The following HMGA2 variants were observed in gnomAD, a reference collection of about 807,000 sequenced individuals.
HMGA2 encodes high mobility group protein HMGI-C.
A neutral mutation model predicts 19.1 loss-of-function variants in HMGA2; 8 were observed. The ratio of observed to expected loss-of-function variants is 0.42; its 90% confidence interval spans 0.25 to 0.76. The LOEUF (loss-of-function observed/expected upper bound fraction) is 0.76, where lower values mean the gene tolerates loss of function less well. HMGA2 is among the 30% of genes least tolerant of loss of function. The pLI is 0.28. For missense variants in HMGA2, 109 were observed against 136.3 expected (o/e 0.80, Z 1.00); for synonymous variants, 60 against 48.8 (o/e 1.23, Z -0.96).
chr12:65,831,262 T>C (rs1391545075), intron 2 of HMGA2, among the ~76,000 whole-genome samples: 1 of 151,832 alleles, frequency 6.6e-6, no homozygotes, highest in Admixed American at 6.6e-5. Context: ...AAAGAAGTTA[T>C]AATCTCCTTT....
chr12:65,828,531 T>A, intron 2 of HMGA2: 1 of 182,538 alleles, frequency 5.5e-6, no homozygotes, highest in Non-Finnish European at 1.2e-5. Context: ...ACATGGCTAC[T>A]GCAAACCAAA....
intron 3 of HMGA2, chr12:65,842,588 A>G (rs1871047497): frequency 6.5e-7 from 1 of 1,530,660 alleles, no homozygotes. Flanking sequence ...CTTTGCTATT[A>G]AGGAGGAGTT....
chr12:65,901,672 A>G (rs1874378395), intron 3 of HMGA2, among the ~76,000 whole-genome samples: 1 of 152,170 alleles, frequency 6.6e-6, no homozygotes, highest in South Asian at 2.1e-4. Context: ...TTAAATCACT[A>G]ATTTTATAAT....
chr12:65,964,306 G>T lies in HMGA2; in HGVS notation c.*1014G>T. On this transcript the variant is annotated 3_prime_UTR_variant, in exon 5 of 5. Transcript: ENST00000403681. The stretch of plus-strand genomic sequence containing the variant: ...TAAAAAGCAAAAAAAAAAAAGGGGG[G>T]GGCAATCTCTCTCTGTGTCTTTCTC... The T allele has an allele frequency of 4.7e-6, 1 of 213,964 alleles. No homozygotes were observed. 13.3% of individuals were successfully genotyped at this position (213,964 alleles called of 1,614,324 possible).
intron 3 of HMGA2, among the ~76,000 whole-genome samples, chr12:65,862,273 C>CCA (rs1451926486): frequency 2.6e-5 from 2 of 75,770 alleles, no homozygotes. Flanking sequence ...CCAAAATGCA[C>CCA]CATACACACA....
At chr12:65,940,425 T>C (rs1204605904) in intron 3 of HMGA2, among the ~76,000 whole-genome samples, 1 of 152,214 alleles carries the variant, frequency 6.6e-6, no homozygotes, top group South Asian at 2.1e-4. Flanking sequence ...CCTTTAAATA[T>C]ATTAGAAACA....
intron 3 of HMGA2, among the ~76,000 whole-genome samples, chr12:65,943,016 A>G (rs1190224083): frequency 6.6e-6 from 1 of 152,048 alleles, no homozygotes; most frequent in Non-Finnish European, 1.5e-5. Flanking sequence ...TCATACATTT[A>G]TCTTTTCCAT....
chr12:65,872,201 T>C (rs930039248), intron 3 of HMGA2, among the ~76,000 whole-genome samples: 2 of 152,172 alleles, frequency 1.3e-5, no homozygotes, highest in African/African-American at 2.4e-5. Flanking sequence ...AACTGCCAAA[T>C]CCAGGGGACA....
chr12:65,946,828 T>G (rs894598249), intron 3 of HMGA2, among the ~76,000 whole-genome samples: 1 of 152,238 alleles, frequency 6.6e-6, no homozygotes, highest in Non-Finnish European at 1.5e-5. Flanking sequence ...CAGTAACTTT[T>G]TTTCTTCCAT....
intron 3 of HMGA2, among the ~76,000 whole-genome samples, chr12:65,927,899 ATATG>A (rs551339124): frequency 3.6e-4 from 53 of 148,470 alleles, no homozygotes; most frequent in Non-Finnish European, 5.2e-4. Context: ...ATGTATGTAT[ATATG>A]TATGTATATA....
intron 3 of HMGA2, among the ~76,000 whole-genome samples, chr12:65,889,911 AC>A (rs138128189): frequency 3.5e-4 from 54 of 152,272 alleles, no homozygotes; most frequent in Admixed American, 6.5e-4. Context: ...AGCCCCACTC[AC>A]ATGGAAATCA....
intron 4 of HMGA2, among the ~76,000 whole-genome samples, chr12:65,961,393 T>C (rs565009209): frequency 1.2e-4 from 18 of 152,310 alleles, no homozygotes; most frequent in Non-Finnish European, 2.2e-4. Flanking sequence ...TGGCCAGGGC[T>C]CCACAGAGAA....
At chr12:65,893,569 C>A (rs1281471319) in intron 3 of HMGA2, among the ~76,000 whole-genome samples, 3 of 152,180 alleles carry the variant, frequency 2.0e-5, no homozygotes, top group African/African-American at 7.2e-5. Flanking sequence ...TCATCCTTTG[C>A]AAACATTGTA....
intron 3 of HMGA2, among the ~76,000 whole-genome samples, chr12:65,923,568 C>T (rs1211115059): frequency 6.6e-6 from 1 of 152,184 alleles, no homozygotes; most frequent in African/African-American, 2.4e-5. Context: ...GATCAAACAA[C>T]TTAGTGAATA....
chr12:65,884,211 T>C (rs1302169973), intron 3 of HMGA2, among the ~76,000 whole-genome samples: 1 of 152,194 alleles, frequency 6.6e-6, no homozygotes, highest in East Asian at 1.9e-4. Flanking sequence ...TTTGAAAACC[T>C]GAAATCTGAA....
At chr12:65,881,066 G>A (rs1180537126) in intron 3 of HMGA2, among the ~76,000 whole-genome samples, 1 of 152,138 alleles carries the variant, frequency 6.6e-6, no homozygotes, top group Admixed American at 6.5e-5. Flanking sequence ...TTGTAGACAG[G>A]CACCACATTT....
chr12:65,831,829 G>T (rs528973156), intron 2 of HMGA2, among the ~76,000 whole-genome samples: 3 of 152,066 alleles, frequency 2.0e-5, no homozygotes, highest in African/African-American at 7.2e-5. Flanking sequence ...CATAAATGCT[G>T]AGTGAGGACA....
intron 3 of HMGA2, among the ~76,000 whole-genome samples, chr12:65,891,490 C>A (rs970498441): frequency 6.6e-6 from 1 of 152,146 alleles, no homozygotes; most frequent in South Asian, 2.1e-4. Flanking sequence ...CTTGGGGGTG[C>A]GTTCTGTGGT....
intron 3 of HMGA2, chr12:65,873,668 T>G (rs920383578): frequency 6.6e-6 from 1 of 152,208 alleles, no homozygotes; most frequent in Non-Finnish European, 1.5e-5. Flanking sequence ...TGTAGATACA[T>G]ACATATATTT....
Sources: gnomAD v4.1 joint callset for allele counts (sites outside exome capture counted in the v4.1 genomes callset) on GRCh38, gnomAD v4.1.1 for gene constraint, MANE v1.5 for transcripts, NCBI Gene and HGNC (gene_info 2026-07-23, HGNC 2026-07-21) for gene names.